APBA2: variants seen among roughly 807,000 people sequenced by gnomAD.
The protein encoded by APBA2 is amyloid beta precursor protein binding family A member 2.
Under a neutral mutation model 75.0 loss-of-function variants are expected in APBA2, and 30 were observed. The observed-to-expected ratio is 0.40, with a 90% confidence interval of 0.30 to 0.54. The LOEUF (loss-of-function observed/expected upper bound fraction) is 0.54. Ranked by LOEUF, APBA2 falls within the 20% of genes least tolerant of loss-of-function variation. The pLI, the probability that APBA2 is intolerant of heterozygous loss-of-function variation, is 0.49. For synonymous variants in APBA2, 444 were observed against 409.6 expected (o/e 1.08, Z -1.01); for missense variants, 801 against 1,016.1 (o/e 0.79, Z 2.88).
At chr15:29,070,489 C>T (rs2042571736) in intron 4 of APBA2, among the ~76,000 whole-genome samples, 1 of 152,188 alleles carries the variant, frequency 6.6e-6, no homozygotes, top group Non-Finnish European at 1.5e-5. Context: ...TATGATCTCC[C>T]CCAGGGGAGT....
At chr15:28,996,428 A>G (rs1432794614) in intron 3 of APBA2, among the ~76,000 whole-genome samples, 2 of 152,158 alleles carry the variant, frequency 1.3e-5, no homozygotes, top group African/African-American at 2.4e-5. Flanking sequence ...ACACTGCCCC[A>G]TGGTCAGCAT....
intron 1 of APBA2, among the ~76,000 whole-genome samples, chr15:28,911,441 G>A (rs1289663917): frequency 6.6e-6 from 1 of 152,182 alleles, no homozygotes; most frequent in African/African-American, 2.4e-5. Flanking sequence ...GGTGGCAGCT[G>A]GCTTGCCTGC....
At chr15:29,030,421 C>CA (rs1280517012) in intron 3 of APBA2, among the ~76,000 whole-genome samples, 1 of 151,926 alleles carries the variant, frequency 6.6e-6, no homozygotes, top group Non-Finnish European at 1.5e-5. Flanking sequence ...GAGATGGCCC[C>CA]ACTGCACTCT....
chr15:28,953,359 C>T (rs1028346915), intron 2 of APBA2, among the ~76,000 whole-genome samples: 9 of 152,164 alleles, frequency 5.9e-5, no homozygotes, highest in African/African-American at 2.2e-4. Flanking sequence ...GAAACAGCTG[C>T]CTTCCGCTCC....
intron 2 of APBA2, among the ~76,000 whole-genome samples, chr15:28,927,105 G>T (rs2034309727): frequency 2.6e-5 from 4 of 151,964 alleles, no homozygotes; most frequent in Admixed American, 2.6e-4. Flanking sequence ...TCATCTGCCT[G>T]CCTCAGCCTC....
intron 2 of APBA2, among the ~76,000 whole-genome samples, chr15:28,939,640 G>A (rs575267759): frequency 1.6e-4 from 25 of 152,324 alleles, no homozygotes; most frequent in Non-Finnish European, 5.9e-5. Flanking sequence ...CTCACGAGAC[G>A]TCTTTCAGAG....
At chr15:28,958,196 CT>C (rs2036275394) in intron 2 of APBA2, among the ~76,000 whole-genome samples, 2 of 152,212 alleles carry the variant, frequency 1.3e-5, no homozygotes, top group South Asian at 4.1e-4. Context: ...CTGGAAGGGA[CT>C]TTCTATGCTG....
intron 2 of APBA2, among the ~76,000 whole-genome samples, chr15:28,985,600 T>C (rs16954967): frequency 0.34 from 51,391 of 152,148 alleles, 15,506 homozygotes; most frequent in African/African-American, 0.8. Context: ...TTGGAATGAG[T>C]AAATTGAGGG....
intron 12 of APBA2, among the ~76,000 whole-genome samples, chr15:29,107,775 A>G (rs1483943147): frequency 6.6e-6 from 1 of 152,120 alleles, no homozygotes; most frequent in Non-Finnish European, 1.5e-5. Context: ...CCCGCTGACA[A>G]TTGCGTCCTC....
intron 4 of APBA2, among the ~76,000 whole-genome samples, chr15:29,056,126 T>A (rs1442614056): frequency 6.6e-6 from 1 of 152,220 alleles, no homozygotes; most frequent in Non-Finnish European, 1.5e-5. Flanking sequence ...ATGGCATCGC[T>A]AGCCAAGTTC....
intron 7 of APBA2, 118 bp downstream of exon 7, chr15:29,093,338 G>C: frequency 2.8e-6 from 4 of 1,442,208 alleles, no homozygotes; most frequent in Non-Finnish European, 3.8e-6. Flanking sequence ...CCTCAGCACA[G>C]GGGGCAGGAG....
chr15:28,931,420 A>G (rs2034557701), intron 2 of APBA2, among the ~76,000 whole-genome samples: 1 of 152,190 alleles, frequency 6.6e-6, no homozygotes, highest in South Asian at 2.1e-4. Flanking sequence ...GTCTCACGCC[A>G]CTGCCTCCTG....
intron 2 of APBA2, among the ~76,000 whole-genome samples, chr15:28,947,302 T>C (rs1046156224): frequency 6.6e-6 from 1 of 152,116 alleles, no homozygotes; most frequent in African/African-American, 2.4e-5. Context: ...TGAGGGCTGC[T>C]CCCCATCCCT....
At chr15:29,016,725 G>C (rs2039679500) in intron 3 of APBA2, among the ~76,000 whole-genome samples, 1 of 152,094 alleles carries the variant, frequency 6.6e-6, no homozygotes, top group Admixed American at 6.5e-5. Flanking sequence ...CTGTCCATGT[G>C]TCACCCCCTG....
At chr15:28,953,528 C>A (rs373944967) in intron 2 of APBA2, among the ~76,000 whole-genome samples, 1 of 152,110 alleles carries the variant, frequency 6.6e-6, no homozygotes, top group African/African-American at 2.4e-5. Context: ...CTCTTATACC[C>A]GCTCCAGTCG....
rs755334764 is a variant in APBA2 at position 29,105,517 on chromosome 15, G to A, written c.1663G>A (p.Asp555Asn). 1 of 1,613,742 alleles carries A rather than the reference G, an allele frequency of 6.2e-7. No homozygotes were observed. The highest frequency in any genetic ancestry group is 1.7e-5 in the Admixed American group (1 of 60,024). ...DIINTQEMYN[D>N]DLIHFSNSEN... is the part of the protein sequence containing the mutation. ...CATCAACACCCAGGAGATGTACAAC[G>A]ACGACCTCATCCACTTCTCAAACTC... The change falls in exon 11 of 15, where the codon GAC becomes AAC. Residue 555 changes from aspartate (D) to asparagine (N), a missense_variant. Physicochemically the swap from Asp to Asn is conservative, Grantham distance 23. Transcript: ENST00000683413.
intron 3 of APBA2, among the ~76,000 whole-genome samples, chr15:29,034,304 T>C (rs531429712): frequency 1.3e-5 from 2 of 152,332 alleles, no homozygotes; most frequent in South Asian, 2.1e-4. Flanking sequence ...TAGTAGCTAG[T>C]TGGCCTCTCT....
At chr15:29,097,790 C>G (rs150774322) in intron 8 of APBA2, among the ~76,000 whole-genome samples, 1 of 152,094 alleles carries the variant, frequency 6.6e-6, no homozygotes, top group African/African-American at 2.4e-5. Flanking sequence ...GCTTTGTGTC[C>G]GTGGACCAAT....
At position 29,054,082 on chromosome 15, in the gene APBA2, C is replaced by T. The variant is rs1157371357; in HGVS notation, c.198C>T (p.His66=). ...PAPEEQECHN[H]SPDGDSSSDY... is the part of the protein sequence containing the mutation. Reference sequence around the variant, plus strand: ...CAGAGGAACAGGAGTGCCACAACCACAGCCCCGATGGGGACTCCAGCTCTG... The same window carrying T: ...CAGAGGAACAGGAGTGCCACAACCATAGCCCCGATGGGGACTCCAGCTCTG... The change falls in exon 4 of 15, where the codon CAC becomes CAT. Residue 66 remains histidine (H), a synonymous_variant. Transcript: ENST00000683413. This position sits in a 1 kb window ranked among gnomAD's most constrained non-coding sequence, Gnocchi z 6.1. 1 of 1,613,954 alleles carries T rather than the reference C, an allele frequency of 6.2e-7. No homozygotes were observed. The highest frequency in any genetic ancestry group is 8.5e-7 in the Non-Finnish European group (1 of 1,180,038).
Sources: gnomAD v4.1 joint callset for allele counts (sites outside exome capture counted in the v4.1 genomes callset) on GRCh38, gnomAD v4.1.1 for gene constraint, Gnocchi (gnomAD v3.1) non-coding constraint, MANE v1.5 for transcripts, NCBI Gene and HGNC (gene_info 2026-07-23, HGNC 2026-07-21) for gene names.